The following XKR4 variants were observed in gnomAD, a reference collection of about 807,000 sequenced individuals.
XKR4 encodes the protein XK-related protein 4.
Under a neutral mutation model 53.9 loss-of-function variants are expected in XKR4, and 12 were observed. That is an observed-to-expected ratio of 0.22 (90% CI 0.14 to 0.36). The LOEUF is 0.36. Among genes scored for constraint, XKR4 ranks in the 10% least tolerant of loss-of-function variants. The pLI, the probability that XKR4 is intolerant of heterozygous loss-of-function variation, is 1.00. For synonymous variants in XKR4, 354 were observed against 362.4 expected, an observed-to-expected ratio of 0.98 and a Z score of 0.26; for missense variants, 799 against 859.5, an observed-to-expected ratio of 0.93 and a Z score of 0.88.
At chr8:55,217,825 A>G (rs950973474) in intron 1 of XKR4, among the ~76,000 whole-genome samples, 1 of 152,244 alleles carries the variant, frequency 6.6e-6, no homozygotes, top group Non-Finnish European at 1.5e-5. Context: ...ACTGCTTTGC[A>G]ATGGCAATAA....
At chr8:55,178,114 T>C (rs1479396728) in intron 1 of XKR4, among the ~76,000 whole-genome samples, 1 of 152,262 alleles carries the variant, frequency 6.6e-6, no homozygotes, top group African/African-American at 2.4e-5. Context: ...CACATTCTTG[T>C]GCTTGTGTGC....
At chr8:55,135,411 A>C in intron 1 of XKR4, 1 of 322,320 alleles carries the variant, frequency 3.1e-6, no homozygotes, top group South Asian at 2.5e-5. Flanking sequence ...TGCAATATAT[A>C]TTTGTTGGAT....
intron 1 of XKR4, among the ~76,000 whole-genome samples, chr8:55,252,993 C>T (rs922064845): frequency 6.6e-6 from 1 of 152,134 alleles, no homozygotes; most frequent in African/African-American, 2.4e-5. Context: ...GAAGAAAAGT[C>T]ATCTTGGCCT....
intron 2 of XKR4, among the ~76,000 whole-genome samples, chr8:55,484,982 A>G (rs549517289): frequency 1.3e-5 from 2 of 152,220 alleles, no homozygotes; most frequent in African/African-American, 4.8e-5. Context: ...ATTCCTTATC[A>G]TTTCTGTTTC....
chr8:55,381,535 T>C (rs1296310733), intron 2 of XKR4, among the ~76,000 whole-genome samples: 1 of 152,214 alleles, frequency 6.6e-6, no homozygotes, highest in Non-Finnish European at 1.5e-5. Flanking sequence ...ATCTGGACTT[T>C]TGATGTCCGA....
chr8:55,328,363 C>T (rs958975581), intron 1 of XKR4, among the ~76,000 whole-genome samples: 7 of 152,192 alleles, frequency 4.6e-5, no homozygotes, highest in Non-Finnish European at 8.8e-5. Context: ...TTCACCAAAA[C>T]ATAACATCAG....
chr8:55,108,894 G>C (rs1816191371), intron 1 of XKR4, among the ~76,000 whole-genome samples: 1 of 152,144 alleles, frequency 6.6e-6, no homozygotes, highest in Non-Finnish European at 1.5e-5. Context: ...TTTCTGGACA[G>C]ATTTTAAGCT....
intron 1 of XKR4, among the ~76,000 whole-genome samples, chr8:55,239,469 T>C (rs1818177844): frequency 6.6e-6 from 1 of 152,208 alleles, no homozygotes; most frequent in African/African-American, 2.4e-5. Context: ...GCACTGACTT[T>C]TAAGCTCTGG....
chr8:55,169,567 G>A (rs1053486196), intron 1 of XKR4, among the ~76,000 whole-genome samples: 1 of 152,300 alleles, frequency 6.6e-6, no homozygotes, highest in African/African-American at 2.4e-5. Flanking sequence ...AGGGGTACCA[G>A]GTTGGCCCTT....
chr8:55,307,781 A>C (rs541573867), intron 1 of XKR4, among the ~76,000 whole-genome samples: 19 of 152,224 alleles, frequency 1.2e-4, no homozygotes, highest in Non-Finnish European at 2.5e-4. Flanking sequence ...AATGGCTAAA[A>C]TTAAGAACAG....
At chr8:55,497,583 A>G (rs923376571) in intron 2 of XKR4, among the ~76,000 whole-genome samples, 2 of 152,234 alleles carry the variant, frequency 1.3e-5, no homozygotes, top group Non-Finnish European at 2.9e-5. Flanking sequence ...TCATTCTTCT[A>G]GTTGTTCAGG....
At chr8:55,508,127 C>A (rs1034072965) in intron 2 of XKR4, among the ~76,000 whole-genome samples, 2 of 151,868 alleles carry the variant, frequency 1.3e-5, no homozygotes, top group African/African-American at 4.8e-5. Flanking sequence ...ATTGAAAAAC[C>A]TTTACAAGCA....
At chr8:55,403,952 C>T (rs555775126) in intron 2 of XKR4, among the ~76,000 whole-genome samples, 1 of 152,198 alleles carries the variant, frequency 6.6e-6, no homozygotes, top group Non-Finnish European at 1.5e-5. Flanking sequence ...TCCAACCTGA[C>T]CTGAATATCG....
chr8:55,379,901 C>T (rs1804206501), intron 2 of XKR4, among the ~76,000 whole-genome samples: 1 of 152,208 alleles, frequency 6.6e-6, no homozygotes, highest in Non-Finnish European at 1.5e-5. Context: ...TCTGAGACTT[C>T]ATTTATTTCT....
chr8:55,357,170 G>C (rs1324110450), intron 1 of XKR4, among the ~76,000 whole-genome samples: 2 of 152,042 alleles, frequency 1.3e-5, no homozygotes, highest in Non-Finnish European at 1.5e-5. Flanking sequence ...TGAGTGAAAG[G>C]GTATAGTGGA....
rs539411534 is a variant in XKR4, at chr8:55,454,744, T to C, written c.1007-68537T>C. The C allele has an allele frequency of 3.1e-4, 246 of 795,032 alleles. No individual in the cohort carries two copies. The African/African-American group carries it at 3.7e-3, about 12-fold the overall frequency. 49.2% of individuals were successfully genotyped at this position (795,032 alleles called of 1,614,324 possible). On this transcript the variant is annotated intron_variant, in intron 2 of 2. Coordinates refer to ENST00000327381, the MANE Select transcript of XKR4 (RefSeq NM_052898.2). The stretch of plus-strand genomic sequence containing the variant: ...GAGGCTGTTCCTGAACACCTCCGCA[T>C]GGTCAAGTCGCGACACAGGTACCAG...
At chr8:55,164,394 A>G in intron 1 of XKR4, 3 of 456,272 alleles carry the variant, frequency 6.6e-6, no homozygotes, top group South Asian at 4.6e-5. Context: ...ACAAACTCAC[A>G]TTCCTGTTTG....
At chr8:55,453,046 TC>T (rs2129396598) in intron 2 of XKR4, 2 of 609,034 alleles carry the variant, frequency 3.3e-6, no homozygotes, top group African/African-American at 1.8e-5. Context: ...GGAAGGTGCC[TC>T]CCCAACCTCC....
At chr8:55,341,463 C>T (rs772002519) in intron 1 of XKR4, among the ~76,000 whole-genome samples, 1 of 152,164 alleles carries the variant, frequency 6.6e-6, no homozygotes, top group Non-Finnish European at 1.5e-5. Flanking sequence ...GGACCACAGG[C>T]AGAGACATGT....
Sources: gnomAD v4.1 joint callset for allele counts (sites outside exome capture counted in the v4.1 genomes callset) on GRCh38, gnomAD v4.1.1 for gene constraint, MANE v1.5 for transcripts, NCBI Gene and HGNC (gene_info 2026-07-23, HGNC 2026-07-21) for gene names.